ROBO1: variants seen among roughly 807,000 people sequenced by gnomAD.
The protein encoded by ROBO1 is roundabout homolog 1.
In ROBO1, 149 loss-of-function variants were observed where a neutral mutation model predicts 195.9. The ratio of observed to expected loss-of-function variants is 0.76; its 90% CI spans 0.67 to 0.87. The LOEUF is 0.87. Ranked by LOEUF, ROBO1 falls within the 40% of genes least tolerant of loss-of-function variation. The pLI is 0.00. For synonymous variants in ROBO1, 816 were observed against 733.2 expected (o/e 1.11, Z -1.82); for missense variants, 1,933 against 2,068.3 (o/e 0.93, Z 1.27).
chr3:78,770,966 C>G (rs1321777055), intron 4 of ROBO1, among the ~76,000 whole-genome samples: 1 of 151,932 alleles, frequency 6.6e-6, no homozygotes, highest in Non-Finnish European at 1.5e-5. Context: ...ACTCGGGATG[C>G]TGAGGTGAGA....
At chr3:78,863,608 T>C (rs1358331112) in intron 4 of ROBO1, among the ~76,000 whole-genome samples, 1 of 152,170 alleles carries the variant, frequency 6.6e-6, no homozygotes, top group Non-Finnish European at 1.5e-5. Context: ...ATTACACTTG[T>C]TTTATAGTTT....
intron 4 of ROBO1, among the ~76,000 whole-genome samples, chr3:78,836,512 C>CAAACAAA (rs2032736523): frequency 8.2e-6 from 1 of 122,398 alleles, no homozygotes; most frequent in African/African-American, 3.3e-5. Context: ...ACTCTGTCTC[C>CAAACAAA]AAAAAAAAAA....
chr3:79,350,295 A>G (rs2035288664), intron 2 of ROBO1, among the ~76,000 whole-genome samples: 1 of 152,344 alleles, frequency 6.6e-6, no homozygotes, highest in Non-Finnish European at 1.5e-5. Context: ...TACAGACTAT[A>G]GCATATGTTG....
intron 19 of ROBO1, among the ~76,000 whole-genome samples, chr3:78,650,541 T>C (rs1428220597): frequency 6.6e-6 from 1 of 152,172 alleles, no homozygotes; most frequent in Non-Finnish European, 1.5e-5. Flanking sequence ...GGTCTATGCA[T>C]AGGGACATTC....
At chr3:78,798,566 T>A (rs1322210004) in intron 4 of ROBO1, among the ~76,000 whole-genome samples, 4 of 152,220 alleles carry the variant, frequency 2.6e-5, no homozygotes, top group Non-Finnish European at 1.5e-5. Context: ...TGCACACACA[T>A]CTTTTTATTA....
chr3:78,894,835 A>G (rs767557526), intron 4 of ROBO1, among the ~76,000 whole-genome samples: 1 of 152,218 alleles, frequency 6.6e-6, no homozygotes, highest in African/African-American at 2.4e-5. Flanking sequence ...AGGCAGCCTA[A>G]GATTCTGTTA....
chr3:79,577,761 A>AC (rs1943538271), intron 2 of ROBO1, among the ~76,000 whole-genome samples: 4 of 134,898 alleles, frequency 3.0e-5, no homozygotes, highest in South Asian at 2.3e-4. Flanking sequence ...CACACACACA[A>AC]AATTGCTGGG....
intron 4 of ROBO1, among the ~76,000 whole-genome samples, chr3:78,834,122 G>T (rs2032485118): frequency 6.6e-6 from 1 of 152,048 alleles, no homozygotes; most frequent in African/African-American, 2.4e-5. Context: ...AAGGACAACA[G>T]TGAATGAATT....
chr3:78,823,374 C>T (rs72894474), intron 4 of ROBO1, among the ~76,000 whole-genome samples: 4,637 of 152,012 alleles, frequency 0.031, 190 homozygotes, highest in African/African-American at 0.095. Context: ...ATAGAGTACT[C>T]GAAACTTAAT....
chr3:78,949,512 C>A (rs1176611175), intron 3 of ROBO1, among the ~76,000 whole-genome samples: 17 of 151,866 alleles, frequency 1.1e-4, no homozygotes, highest in African/African-American at 3.1e-4. Flanking sequence ...AAATTAATTC[C>A]AGATGGATTA....
intron 4 of ROBO1, among the ~76,000 whole-genome samples, chr3:78,832,469 G>C (rs1283473150): frequency 6.6e-6 from 1 of 152,130 alleles, no homozygotes; most frequent in Non-Finnish European, 1.5e-5. Context: ...AACGTCATGA[G>C]CTACTTGACA....
At chr3:79,760,384 A>G (rs1704631575) in intron 1 of ROBO1, among the ~76,000 whole-genome samples, 1 of 150,698 alleles carries the variant, frequency 6.6e-6, no homozygotes, top group South Asian at 2.1e-4. Flanking sequence ...AAGGTAATCA[A>G]TTTTAACAAA....
intron 9 of ROBO1, 30 bp downstream of exon 9, chr3:78,688,618 T>A (rs989235782): frequency 4.3e-5 from 51 of 1,196,630 alleles, no homozygotes; most frequent in South Asian, 9.9e-5. Context: ...TTTGCTGATT[T>A]AAAAAAAAAA....
intron 2 of ROBO1, among the ~76,000 whole-genome samples, chr3:79,456,306 G>A (rs983176131): frequency 3.3e-5 from 5 of 152,092 alleles, no homozygotes; most frequent in African/African-American, 1.2e-4. Flanking sequence ...AGCTGTTAGA[G>A]CAGTATGTTC....
intron 3 of ROBO1, among the ~76,000 whole-genome samples, chr3:79,109,241 T>C (rs1259517631): frequency 3.3e-5 from 5 of 151,856 alleles, no homozygotes; most frequent in African/African-American, 2.4e-5. Flanking sequence ...GCTTTAAAAA[T>C]GCAGATGCTA....
At chr3:79,344,461 G>A (rs1259733772) in intron 2 of ROBO1, among the ~76,000 whole-genome samples, 4 of 152,118 alleles carry the variant, frequency 2.6e-5, no homozygotes, top group Non-Finnish European at 4.4e-5. Context: ...CACAATAAAA[G>A]CGAATAATAG....
In ROBO1 at chr3:79,006,949, G is replaced by A. The variant is rs17016689; in HGVS notation, c.173-68022C>T. On this transcript the variant is annotated intron_variant, in intron 3 of 30. Coordinates refer to ENST00000464233, the MANE Select transcript of ROBO1 (RefSeq NM_002941.4). Reference sequence around the variant, plus strand: ...CCAAGGGAATATTTATAAAATGCAAGATTTGTTGGAAGGTTAGAAGAAAAT... The same window carrying A: ...CCAAGGGAATATTTATAAAATGCAAAATTTGTTGGAAGGTTAGAAGAAAAT... 8.3e-3 allele frequency among the ~76,000 whole-genome samples: 1,265 copies of A among 152,098 alleles called. 20 individuals carry two copies. The highest frequency in any genetic ancestry group is 0.029 in the African/African-American group (1,200 of 41,492).
chr3:79,508,424 A>C (rs1233427927), intron 2 of ROBO1, among the ~76,000 whole-genome samples: 1 of 152,130 alleles, frequency 6.6e-6, no homozygotes, highest in Non-Finnish European at 1.5e-5. Flanking sequence ...AATTGTAAGA[A>C]AACAAATTTC....
chr3:78,833,732 T>A (rs1332578323), intron 4 of ROBO1, among the ~76,000 whole-genome samples: 1 of 152,036 alleles, frequency 6.6e-6, no homozygotes, highest in African/African-American at 2.4e-5. Flanking sequence ...GTGCTTATGG[T>A]AAATAAAGGT....
Sources: gnomAD v4.1 joint callset for allele counts (sites outside exome capture counted in the v4.1 genomes callset) on GRCh38, gnomAD v4.1.1 for gene constraint, MANE v1.5 for transcripts, NCBI Gene and HGNC (gene_info 2026-07-23, HGNC 2026-07-21) for gene names.